COL23A1: variants seen among roughly 807,000 people sequenced by gnomAD.
COL23A1 encodes the protein collagen type XXIII alpha 1 chain, also known as collagen alpha-1(XXIII) chain.
Under a neutral mutation model 99.3 loss-of-function variants are expected in COL23A1, and 97 were observed. The observed-to-expected ratio is 0.98, with a 90% CI of 0.83 to 1.16. The LOEUF is 1.16. Ranked by LOEUF, COL23A1 falls within the 50% of genes most tolerant of loss-of-function variation. COL23A1 has a pLI of 0.00. For synonymous variants in COL23A1, 320 were observed against 308.2 expected, an observed-to-expected ratio of 1.04 and a Z score of -0.40; for missense variants, 762 against 757.4, an observed-to-expected ratio of 1.01 and a Z score of -0.07.
At chr5:178,328,184 C>T (rs904429742) in intron 2 of COL23A1, among the ~76,000 whole-genome samples, 2 of 152,188 alleles carry the variant, frequency 1.3e-5, no homozygotes, top group African/African-American at 4.8e-5. Flanking sequence ...CGGCGAATGT[C>T]TGGGGCCATC....
At chr5:178,526,803 T>A (rs1760336621) in intron 2 of COL23A1, among the ~76,000 whole-genome samples, 1 of 152,166 alleles carries the variant, frequency 6.6e-6, no homozygotes, top group Admixed American at 6.5e-5. Flanking sequence ...TCCTCTGCTA[T>A]CCAGACATGG....
At chr5:178,348,866 G>A (rs1283458960) in intron 2 of COL23A1, among the ~76,000 whole-genome samples, 1 of 152,198 alleles carries the variant, frequency 6.6e-6, no homozygotes, top group African/African-American at 2.4e-5. Context: ...CCCCAGCAGG[G>A]AGGGAGATCA....
rs2127605951 is a variant in COL23A1, at chr5:178,307,787, T to C, written c.362-868A>G. ...GGTGCAGGTACAAGATTGCAATGTG[T>C]AAATGGCATTTGATACGTCTTGCTC... is the stretch of plus-strand genomic sequence containing the variant. On this transcript the variant is annotated intron_variant, in intron 2 of 28. Transcript: ENST00000390654. This position sits in a 1 kb window ranked among gnomAD's most constrained non-coding sequence, Gnocchi z 4.2. Among the ~76,000 whole-genome samples the C allele has an allele frequency of 6.6e-6, 1 of 152,326 alleles. No homozygotes were observed. The highest frequency in any genetic ancestry group is 2.1e-4 in the South Asian group (1 of 4,826).
intron 2 of COL23A1, among the ~76,000 whole-genome samples, chr5:178,345,858 T>C (rs1760939844): frequency 6.6e-6 from 1 of 152,114 alleles, no homozygotes; most frequent in South Asian, 2.1e-4. Flanking sequence ...AATTAGATCA[T>C]TAATAATTTA....
chr5:178,505,783 GA>G (rs1562033600), intron 2 of COL23A1, among the ~76,000 whole-genome samples: 1 of 152,166 alleles, frequency 6.6e-6, no homozygotes, highest in African/African-American at 2.4e-5. Context: ...CTATGGTGGG[GA>G]CTTGGGAGGC....
At chr5:178,369,416 A>T (rs1762678729) in intron 2 of COL23A1, among the ~76,000 whole-genome samples, 2 of 152,226 alleles carry the variant, frequency 1.3e-5, no homozygotes, top group Admixed American at 1.3e-4. Context: ...CATGGCAGGT[A>T]ACAAGAGACG....
chr5:178,401,473 G>C (rs540804046), intron 2 of COL23A1, among the ~76,000 whole-genome samples: 2 of 151,776 alleles, frequency 1.3e-5, no homozygotes, highest in Admixed American at 1.3e-4. Flanking sequence ...ATCCACCCAT[G>C]TGGTGTGTGT....
At position 178,252,652 on chromosome 5, in the gene COL23A1, G is replaced by A. The variant is rs192851446; in HGVS notation, c.961-55C>T. On this transcript the variant is annotated intron_variant, in intron 16 of 28. Coordinates refer to ENST00000390654, the MANE Select transcript of COL23A1 (RefSeq NM_173465.4). ...CATGGGTTAGGCAGGGCCTCCCTTC[G>A]CTACCCATCCAGCTCCCCACCTGGA... is the stretch of plus-strand genomic sequence containing the variant. 83 of 1,496,610 alleles carry A rather than the reference G, an allele frequency of 5.5e-5. No individual in the cohort carries two copies. The African/African-American group carries it at 7.3e-4, about 13-fold the overall frequency. The allele number at this position is 1,496,610 out of a possible 1,614,324, so 92.7% of individuals were successfully genotyped here. A position where few individuals can be genotyped will look rare whatever the true frequency, so the allele number is the denominator to read the frequency against.
At chr5:178,353,577 C>T (rs965346945) in intron 2 of COL23A1, among the ~76,000 whole-genome samples, 1 of 152,186 alleles carries the variant, frequency 6.6e-6, no homozygotes, top group Non-Finnish European at 1.5e-5. Flanking sequence ...ACCCAAGTCA[C>T]CTTTAGTCAT....
chr5:178,267,411 A>G (rs1755965731), intron 7 of COL23A1, 78 bp from the exon 8 acceptor site: 1 of 1,395,798 alleles, frequency 7.2e-7, no homozygotes, highest in Admixed American at 2.0e-5. Flanking sequence ...ATCTGTGCCC[A>G]GTGCTTCATA....
In COL23A1 at chr5:178,447,030, G is replaced by A. The variant is rs982175368; in HGVS notation, c.361+113652C>T. 3.9e-5 allele frequency among the ~76,000 whole-genome samples: 6 copies of A among 152,198 alleles called. No individual in the cohort carries two copies. In the South Asian group the frequency reaches 8.3e-4, roughly 21 times the overall value. ...TGGCTGTTAGGACATAGAATTACAC[G>A]TGATTATATCTTCCTTATTTCTGTT... On this transcript the variant is annotated intron_variant, in intron 2 of 28. Transcript: ENST00000390654.
At chr5:178,511,748 C>T (rs1759217565) in intron 2 of COL23A1, among the ~76,000 whole-genome samples, 1 of 152,180 alleles carries the variant, frequency 6.6e-6, no homozygotes, top group Non-Finnish European at 1.5e-5. Flanking sequence ...TGAGCCTCCT[C>T]CCTGAGACCA....
intron 2 of COL23A1, among the ~76,000 whole-genome samples, chr5:178,444,671 C>A (rs1767061527): frequency 6.6e-6 from 1 of 152,172 alleles, no homozygotes; most frequent in Non-Finnish European, 1.5e-5. Context: ...TGGTGTACAT[C>A]TGTAATCCCA....
intron 2 of COL23A1, chr5:178,351,236 G>C (rs887025354): frequency 6.6e-6 from 1 of 152,468 alleles, no homozygotes; most frequent in East Asian, 1.9e-4. Context: ...GAAAGATCTA[G>C]GTGGGGAGAA....
intron 2 of COL23A1, among the ~76,000 whole-genome samples, chr5:178,331,355 T>C (rs72820942): frequency 0.049 from 7,423 of 152,244 alleles, 210 homozygotes; most frequent in Middle Eastern, 0.15. Flanking sequence ...CACACCTGGG[T>C]GGGTCCCAGC....
At position 178,400,412 on chromosome 5, in the gene COL23A1, C is replaced by T. The variant is rs947654797; in HGVS notation, c.362-93493G>A. Among the ~76,000 whole-genome samples, 767 of 144,714 alleles carry T rather than the reference C, an allele frequency of 5.3e-3. 5 individuals are homozygous for T. The highest frequency in any genetic ancestry group is 7.3e-3 in the Non-Finnish European group (483 of 66,392). 94.9% of individuals were successfully genotyped at this position (144,714 alleles called of 152,430 possible). A position where few individuals can be genotyped will look rare whatever the true frequency, so the allele number is the denominator to read the frequency against. On this transcript the variant is annotated intron_variant, in intron 2 of 28. Coordinates refer to ENST00000390654, the MANE Select transcript of COL23A1 (RefSeq NM_173465.4). Reference sequence around the variant, plus strand: ...AAGTCTACATGGAATAAAATGCATTCTTTTTGGTGCACCGTTCTTTGTGTT... The same window carrying T: ...AAGTCTACATGGAATAAAATGCATTTTTTTTGGTGCACCGTTCTTTGTGTT...
At chr5:178,245,469 A>G (rs1764635839) in intron 25 of COL23A1, among the ~76,000 whole-genome samples, 1 of 148,176 alleles carries the variant, frequency 6.7e-6, no homozygotes, top group Admixed American at 6.7e-5. Flanking sequence ...CCACCCACCC[A>G]TCCATCCATC....
At chr5:178,257,864 C>T (rs1581466891) in intron 12 of COL23A1, among the ~76,000 whole-genome samples, 1 of 152,234 alleles carries the variant, frequency 6.6e-6, no homozygotes, top group Non-Finnish European at 1.5e-5. Context: ...AGCTGAGGTC[C>T]CTGCTCAGGT....
At chr5:178,287,761 C>T (rs939432683) in intron 5 of COL23A1, among the ~76,000 whole-genome samples, 9 of 152,244 alleles carry the variant, frequency 5.9e-5, no homozygotes, top group African/African-American at 1.9e-4. Flanking sequence ...CTGCCACGAC[C>T]CTCAACCCCC....
Sources: gnomAD v4.1 joint callset for allele counts (sites outside exome capture counted in the v4.1 genomes callset) on GRCh38, gnomAD v4.1.1 for gene constraint, Gnocchi (gnomAD v3.1) non-coding constraint, MANE v1.5 for transcripts, NCBI Gene and HGNC (gene_info 2026-07-23, HGNC 2026-07-21) for gene names.